The following SUPT3H variants were observed in gnomAD, a reference collection of about 807,000 sequenced individuals.
SUPT3H encodes the protein transcription initiation protein SPT3 homolog.
SUPT3H carries 44 observed loss-of-function variants against 44.3 expected under a neutral mutation model. That is an observed-to-expected ratio of 0.99 (90% CI 0.78 to 1.28). The LOEUF is 1.28. Ranked by LOEUF, SUPT3H falls within the 50% of genes most tolerant of loss-of-function variation. The pLI, the probability that SUPT3H is intolerant of heterozygous loss-of-function variation, is 0.00. For missense variants in SUPT3H, 380 were observed against 387.1 expected (o/e 0.98, Z 0.15); for synonymous variants, 124 against 125.6 (o/e 0.99, Z 0.09).
At chr6:45,363,237 T>C (rs10807321) in intron 2 of SUPT3H, among the ~76,000 whole-genome samples, 34,395 of 152,100 alleles carry the variant, frequency 0.23, 4,563 homozygotes, top group Non-Finnish European at 0.31. Flanking sequence ...TAAAAAATTA[T>C]TTACAAAAAC....
In SUPT3H at chr6:45,043,142, TACACAC is replaced by T. The variant is rs59321114; in HGVS notation, c.187-22516_187-22511del. On this transcript the variant is annotated intron_variant, in intron 3 of 10. Coordinates refer to ENST00000371459, the MANE Select transcript of SUPT3H (RefSeq NM_003599.4). The stretch of plus-strand genomic sequence containing the variant: ...GAGCCTTGTATCTTACATACACACA[TACACAC>T]ACACACACACACACACACACACGCA... Among the ~76,000 whole-genome samples, 914 of 146,878 alleles carry T rather than the reference TACACAC, an allele frequency of 6.2e-3. 18 individuals are homozygous for T. Among genetic ancestry groups the T allele is most frequent in the African/African-American group, 0.022 (862 of 39,440 alleles).
At position 45,248,050 on chromosome 6, in the gene SUPT3H, C is replaced by G. The variant is rs189928296; in HGVS notation, c.101+117151G>C. On this transcript the variant is annotated intron_variant, in intron 2 of 10. Transcript: ENST00000371459. ...CAGAAAAAATGAATATTGACCCATA[C>G]TTTACAACTTATACAAATGTAATTC... Among the ~76,000 whole-genome samples the G allele has an allele frequency of 2.0e-5, 3 of 152,196 alleles. No homozygotes were observed. The East Asian group carries it at 5.8e-4, about 29-fold the overall frequency.
chr6:44,937,008 T>C (rs1489845466), intron 9 of SUPT3H, among the ~76,000 whole-genome samples: 2 of 152,122 alleles, frequency 1.3e-5, no homozygotes, highest in Non-Finnish European at 2.9e-5. Context: ...TGTGTATACA[T>C]GCCACATTTT....
At chr6:45,172,264 G>T (rs1428789969) in intron 2 of SUPT3H, among the ~76,000 whole-genome samples, 3 of 151,344 alleles carry the variant, frequency 2.0e-5, no homozygotes, top group African/African-American at 7.3e-5. Context: ...GTAGAGATGG[G>T]GTTTCACCAT....
intron 6 of SUPT3H, among the ~76,000 whole-genome samples, chr6:44,967,432 A>G (rs1776925092): frequency 1.3e-5 from 2 of 152,374 alleles, no homozygotes; most frequent in South Asian, 4.1e-4. Flanking sequence ...AATATCGTGA[A>G]TACAACAAAC....
chr6:45,022,865 A>G (rs1422425490), intron 3 of SUPT3H, among the ~76,000 whole-genome samples: 1 of 152,080 alleles, frequency 6.6e-6, no homozygotes, highest in Non-Finnish European at 1.5e-5. Flanking sequence ...CCAAAAAGTC[A>G]GCCCTCCTTA....
intron 2 of SUPT3H, among the ~76,000 whole-genome samples, chr6:45,231,902 A>G (rs1325756414): frequency 2.0e-5 from 3 of 152,142 alleles, no homozygotes; most frequent in African/African-American, 7.2e-5. Context: ...TTTGTATTTC[A>G]TAAAAGGAAT....
chr6:44,864,166 TATCTGAGACAAGGCAAGTCTCTTCCGC>T (rs1284939792), intron 10 of SUPT3H, among the ~76,000 whole-genome samples: 6 of 152,188 alleles, frequency 3.9e-5, no homozygotes, highest in African/African-American at 1.4e-4. Flanking sequence ...TCCCAAGTCT[TATCTGAGACAAGGCAAGTCTCTTCCGC>T]CTATGAGCCT....
At chr6:44,955,606 C>A (rs900766654) in intron 7 of SUPT3H, 1 of 152,374 alleles carries the variant, frequency 6.6e-6, no homozygotes, top group African/African-American at 2.4e-5. Flanking sequence ...CTCAGACATG[C>A]CTAACCCTGC....
intron 10 of SUPT3H, among the ~76,000 whole-genome samples, chr6:44,879,588 C>G (rs969868736): frequency 2.0e-5 from 3 of 150,606 alleles, no homozygotes; most frequent in Non-Finnish European, 4.5e-5. Context: ...AAGGGACAGG[C>G]TGCCTCCTCA....
At chr6:44,941,038 T>C (rs1475787095) in intron 9 of SUPT3H, among the ~76,000 whole-genome samples, 1 of 152,162 alleles carries the variant, frequency 6.6e-6, no homozygotes, top group Non-Finnish European at 1.5e-5. Flanking sequence ...ATTTTTTAAG[T>C]GGAGCATTTA....
At chr6:44,844,583 C>CAATAACATATATG (rs1771558367) in intron 10 of SUPT3H, among the ~76,000 whole-genome samples, 1 of 152,074 alleles carries the variant, frequency 6.6e-6, no homozygotes, top group African/African-American at 2.4e-5. Context: ...TTGATATATG[C>CAATAACATATATG]AATAACACAG....
intron 10 of SUPT3H, among the ~76,000 whole-genome samples, chr6:44,850,510 G>T (rs759146108): frequency 3.2e-4 from 49 of 152,106 alleles, no homozygotes; most frequent in Non-Finnish European, 4.4e-5. Flanking sequence ...AGATGGAAAA[G>T]ACTTATTAGA....
intron 2 of SUPT3H, among the ~76,000 whole-genome samples, chr6:45,188,667 A>G (rs1814643761): frequency 6.6e-6 from 1 of 152,196 alleles, no homozygotes; most frequent in African/African-American, 2.4e-5. Flanking sequence ...TCTACAAACT[A>G]AAGATATTTA....
intron 2 of SUPT3H, among the ~76,000 whole-genome samples, chr6:45,348,444 C>T (rs1249534739): frequency 6.7e-6 from 1 of 149,374 alleles, no homozygotes; most frequent in Non-Finnish European, 1.5e-5. Flanking sequence ...AGGTAGAAGG[C>T]TCACTTGAGG....
downstream of SUPT3H, among the ~76,000 whole-genome samples, chr6:44,825,464 C>T (rs1185768448): frequency 2.0e-5 from 3 of 152,292 alleles, no homozygotes; most frequent in Non-Finnish European, 4.4e-5. Context: ...CAGTGGTTAA[C>T]AGCATGAGCT....
At chr6:44,964,445 C>T (rs1020422085) in intron 6 of SUPT3H, among the ~76,000 whole-genome samples, 2 of 151,952 alleles carry the variant, frequency 1.3e-5, no homozygotes, top group Admixed American at 6.6e-5. Flanking sequence ...AAGATTTGGC[C>T]TCTGCATATA....
At position 45,196,137 on chromosome 6, in the gene SUPT3H, TTATATC is replaced by T. The variant is rs1815976145; in HGVS notation, c.102-90137_102-90132del. On this transcript the variant is annotated intron_variant, in intron 2 of 10. Transcript: ENST00000371459. The stretch of plus-strand genomic sequence containing the variant: ...GATAATACACAATAGATATCTGACT[TTATATC>T]TGTGACAATATTCAATCATTTTAAA... Among the ~76,000 whole-genome samples the T allele has an allele frequency of 3.9e-5, 6 of 152,240 alleles. No homozygotes were observed. In the South Asian group the frequency reaches 1.2e-3, roughly 32 times the overall value.
chr6:44,884,997 G>A (rs144907234), intron 10 of SUPT3H, among the ~76,000 whole-genome samples: 18,506 of 152,146 alleles, frequency 0.12, 1,470 homozygotes, highest in East Asian at 0.27. Flanking sequence ...CTACGCCCAC[G>A]GAGTCTGGCT....
Sources: allele counts gnomAD v4.1 joint callset (sites outside exome capture counted in the v4.1 genomes callset), GRCh38; gene constraint gnomAD v4.1.1; transcripts MANE v1.5; gene names NCBI Gene and HGNC (gene_info 2026-07-23, HGNC 2026-07-21).